TRPM1: variants seen among roughly 807,000 people sequenced by gnomAD.
TRPM1 encodes the protein TRPM1-203 APA Isoform, Intron 10.
Under a neutral mutation model 149.4 loss-of-function variants are expected in TRPM1, and 113 were observed. That is an observed-to-expected ratio of 0.76 (90% CI 0.65 to 0.88). The LOEUF (loss-of-function observed/expected upper bound fraction) is 0.88. Ranked by LOEUF, TRPM1 falls within the 40% of genes least tolerant of loss-of-function variation. The pLI is 0.00. For synonymous variants in TRPM1, 741 were observed against 759.5 expected (o/e 0.98, Z 0.40); for missense variants, 1,976 against 2,038.7 (o/e 0.97, Z 0.59).
intron 1 of TRPM1, among the ~76,000 whole-genome samples, chr15:31,119,364 A>G (rs1405804577): frequency 1.3e-5 from 2 of 152,176 alleles, no homozygotes; most frequent in African/African-American, 4.8e-5. Flanking sequence ...AAATATTTCA[A>G]GTGTTAAAAG....
At chr15:31,072,346 G>A (rs1040140031) in intron 3 of TRPM1, among the ~76,000 whole-genome samples, 1 of 152,024 alleles carries the variant, frequency 6.6e-6, no homozygotes, top group Admixed American at 6.6e-5. Context: ...TGTAGCATGT[G>A]TTGGTACTTC....
intron 6 of TRPM1, 110 bp from the exon 7 acceptor site, chr15:31,066,357 C>A: frequency 8.5e-7 from 1 of 1,178,152 alleles, no homozygotes; most frequent in Non-Finnish European, 1.3e-6. Flanking sequence ...AACTTATTCT[C>A]ACATCTCTAC....
Position 31,002,569 on chromosome 15 carries a change from A to G in TRPM1, c.4131T>C (p.Gly1377=), listed in dbSNP as rs1188669050. 1 of 1,614,070 alleles carries G rather than the reference A, an allele frequency of 6.2e-7. No homozygotes were observed. The highest frequency in any genetic ancestry group is 1.1e-5 in the South Asian group (1 of 91,080). Residue 1377 remains glycine (G), a synonymous_variant, in exon 28 of 28, where the codon GGT becomes GGC. Transcript: ENST00000256552. ...DLKNAEESKL[G]PDIGISKEDD... ...CTTCCTTTGAAATCCCAATATCTGG[A>G]CCTAATTTTGACTCTTCAGCGTTCT...
Position 31,076,958 on chromosome 15 carries a change from G to T in TRPM1, c.30C>A (p.Thr10=). The T allele has an allele frequency of 1.2e-6, 2 of 1,612,520 alleles. No homozygotes were observed. The highest frequency in any genetic ancestry group is 1.7e-6 in the Non-Finnish European group (2 of 1,178,606). ...CAAAGATACATTCCCGTTTGCAAAA[G>T]GTTTTCTCTATCCAAGATTTCTGAC... MGQKSWIEK[T]FCKRECIFVI... is the part of the protein sequence containing the mutation. The change falls in exon 3 of 28, where the codon ACC becomes ACA. Residue 10 remains threonine, a synonymous_variant. Coordinates refer to ENST00000256552, the MANE Select transcript of TRPM1 (RefSeq NM_001252024.2).
intron 8 of TRPM1, 134 bp downstream of exon 8, chr15:31,062,984 G>T: frequency 7.9e-7 from 1 of 1,259,654 alleles, no homozygotes; most frequent in African/African-American, 1.5e-5. Context: ...CTGAGGAAAT[G>T]GGAGAGGAGA....
chr15:31,040,616 C>G lies in TRPM1; in HGVS notation c.2088-270G>C, dbSNP rs917026760. Among the ~76,000 whole-genome samples, 5 of 152,216 alleles carry G rather than the reference C, an allele frequency of 3.3e-5. No homozygotes were observed. Among genetic ancestry groups the G allele is most frequent in the Non-Finnish European group, 5.9e-5 (4 of 68,034 alleles). ...TGAGACCACATCTGCCCCTCAGACC[C>G]CAGGGACATAGAGACGAGAAGACAA... On this transcript the variant is annotated intron_variant, in intron 17 of 27. Coordinates refer to ENST00000256552, the MANE Select transcript of TRPM1 (RefSeq NM_001252024.2). This position sits in a 1 kb window ranked among gnomAD's most constrained non-coding sequence, Gnocchi z 4.2.
intron 1 of TRPM1, among the ~76,000 whole-genome samples, chr15:31,140,604 T>C (rs915353468): frequency 1.3e-5 from 2 of 152,138 alleles, no homozygotes; most frequent in African/African-American, 4.8e-5. Context: ...TTGCTTCTTC[T>C]CTTCCATGTG....
Position 31,077,055 on chromosome 15 carries a change from C to T in TRPM1, c.4-71G>A, listed in dbSNP as rs4779818. ...CCATCATCAGAGTCCATTCTTATAC[C>T]TTTATAAAACAATATGTCTGCCCAC... On this transcript the variant is annotated intron_variant, in intron 2 of 27. Coordinates refer to ENST00000256552, the MANE Select transcript of TRPM1 (RefSeq NM_001252024.2). The T allele has an allele frequency of 0.47, 469,472 of 992,454 alleles. 114,788 individuals carry two copies. Among genetic ancestry groups the T allele is most frequent in the East Asian group, 0.78 (31,790 of 40,740 alleles). 61.5% of individuals were successfully genotyped at this position (992,454 alleles called of 1,614,324 possible).
chr15:31,081,057 TC>T (rs916198786), intron 2 of TRPM1, among the ~76,000 whole-genome samples: 81 of 151,362 alleles, frequency 5.4e-4, no homozygotes, highest in African/African-American at 1.8e-3. Context: ...GGGCCCCCTG[TC>T]CCCCCCCTTA....
At chr15:31,027,203 G>A (rs2140901461) in intron 25 of TRPM1, 86 bp from the exon 26 acceptor site, 1 of 1,279,124 alleles carries the variant, frequency 7.8e-7, no homozygotes, top group East Asian at 2.4e-5. Context: ...ACATTTAAGT[G>A]AAAATACTCA....
At chr15:31,114,765 G>C (rs2141028420) in intron 1 of TRPM1, among the ~76,000 whole-genome samples, 1 of 152,228 alleles carries the variant, frequency 6.6e-6, no homozygotes, top group African/African-American at 2.4e-5. Flanking sequence ...GAAAAATGGA[G>C]ACATTTTTAG....
At chr15:31,160,765 A>ACCCCATG (rs1355641500) in intron 1 of TRPM1, 4 of 841,802 alleles carry the variant, frequency 4.8e-6, no homozygotes, top group Non-Finnish European at 7.5e-6. Context: ...AGCTCTGAAC[A>ACCCCATG]CCCCATGCCC....
At position 31,028,548 on chromosome 15, in the gene TRPM1, T is replaced by G. The variant is rs575323555; in HGVS notation, c.3149-72A>C. The stretch of plus-strand genomic sequence containing the variant: ...AAGGATAAATATCTCTTACATATGT[T>G]TTTCAATACCTATTTCTTTTTTAAT... On this transcript the variant is annotated intron_variant, in intron 24 of 27. Transcript: ENST00000256552. The G allele has an allele frequency of 2.9e-3, 4,382 of 1,503,522 alleles. 7 individuals carry two copies. Among genetic ancestry groups the G allele is most frequent in the Non-Finnish European group, 3.7e-3 (4,046 of 1,088,114 alleles). The allele number at this position is 1,503,522 out of a possible 1,614,324, so 93.1% of individuals were successfully genotyped here.
intron 1 of TRPM1, among the ~76,000 whole-genome samples, chr15:31,089,643 C>T (rs1034501077): frequency 5.9e-5 from 9 of 152,230 alleles, no homozygotes; most frequent in African/African-American, 1.9e-4. Context: ...GAGACGGGTC[C>T]AGGCCCAGCT....
chr15:31,042,196 C>G lies in TRPM1; in HGVS notation c.1842G>C (p.Lys614Asn), dbSNP rs1446490323. Residue 614 changes from lysine to asparagine, a missense_variant, in exon 17 of 28, where the codon AAG (lysine) becomes AAC (asparagine). Around this residue, in one of 3 missense-constraint regions of TRPM1, gnomAD observed 1,332 missense variants for 1,347.1 expected, o/e 0.99. Transcript: ENST00000256552. Reference sequence around the variant, plus strand: ...CCACATCAATGTCGATCTCTTCCTCCTTTTTCTTCTTTTTCTTTTTCTTCC... The same window carrying G: ...CCACATCAATGTCGATCTCTTCCTCGTTTTTCTTCTTTTTCTTTTTCTTCC... ...AKGKKKKKKK[K>N]EEEIDIDVDD... is the part of the protein sequence containing the mutation. The G allele has an allele frequency of 1.2e-6, 2 of 1,608,564 alleles. No homozygotes were observed. The highest frequency in any genetic ancestry group is 1.7e-6 in the Non-Finnish European group (2 of 1,177,360).
chr15:31,110,355 A>G (rs1362444571), intron 1 of TRPM1, among the ~76,000 whole-genome samples: 1 of 152,222 alleles, frequency 6.6e-6, no homozygotes, highest in Non-Finnish European at 1.5e-5. Context: ...CAAATGGATA[A>G]CTAGATTAGG....
At chr15:31,156,437 G>T (rs1432851529) in intron 1 of TRPM1, among the ~76,000 whole-genome samples, 1 of 151,948 alleles carries the variant, frequency 6.6e-6, no homozygotes, top group African/African-American at 2.4e-5. Flanking sequence ...TGTCTCTAAG[G>T]GTGGCCACCT....
At chr15:31,100,136 G>A (rs1360249491) in intron 1 of TRPM1, among the ~76,000 whole-genome samples, 1 of 149,900 alleles carries the variant, frequency 6.7e-6, no homozygotes, top group Non-Finnish European at 1.5e-5. Flanking sequence ...CTGGAGTGCA[G>A]TGGCGCAGTC....
chr15:31,049,874 T>C (rs2033898749), intron 12 of TRPM1, among the ~76,000 whole-genome samples: 1 of 152,130 alleles, frequency 6.6e-6, no homozygotes, highest in African/African-American at 2.4e-5. Context: ...GGGTGCCGTG[T>C]GGGTGAGTGA....
Sources: allele counts gnomAD v4.1 joint callset (sites outside exome capture counted in the v4.1 genomes callset), GRCh38; gene constraint gnomAD v4.1.1; regional missense constraint gnomAD v4.1.1; non-coding constraint Gnocchi (gnomAD v3.1); transcripts MANE v1.5; gene names NCBI Gene and HGNC (gene_info 2026-07-23, HGNC 2026-07-21).